The following DIAPH3 variants were observed in gnomAD, a reference collection of about 807,000 sequenced individuals.
DIAPH3 encodes the protein diaphanous related formin 3.
Under a neutral mutation model 144.3 loss-of-function variants are expected in DIAPH3, and 117 were observed. The observed-to-expected ratio is 0.81, with a 90% confidence interval of 0.70 to 0.95. DIAPH3 has a LOEUF of 0.95. Among genes scored for constraint, DIAPH3 ranks in the 40% least tolerant of loss-of-function variants. The pLI is 0.00. For missense variants in DIAPH3, 1,421 were observed against 1,412.7 expected (o/e 1.01, Z -0.09); for synonymous variants, 519 against 488.9 (o/e 1.06, Z -0.81).
intron 25 of DIAPH3, among the ~76,000 whole-genome samples, chr13:59,775,826 T>C (rs1408412819): frequency 6.6e-6 from 1 of 152,208 alleles, no homozygotes; most frequent in Non-Finnish European, 1.5e-5. Context: ...ATTGATATCC[T>C]GTATATAATT....
chr13:60,086,370 T>G (rs924188705), intron 4 of DIAPH3, among the ~76,000 whole-genome samples: 1 of 152,096 alleles, frequency 6.6e-6, no homozygotes. Context: ...AAATGAAAAC[T>G]GAAGTGCCAG....
chr13:60,016,083 A>C lies in DIAPH3; in HGVS notation c.689T>G (p.Ile230Ser). ...TAGCAATACTTACATTTTTCCACTA[A>C]TCAGTTTTTCCAAAATGTCTAATAA... ...GLLLDILEKL[I>S]SGKIQEKVVK... The change falls in exon 6 of 28, where the codon ATT (isoleucine) becomes AGT (serine). Residue 230 changes from isoleucine (I) to serine (S), a missense_variant. Transcript: ENST00000400324. The C allele has an allele frequency of 6.2e-7, 1 of 1,613,518 alleles. No individual in the cohort carries two copies. Among genetic ancestry groups the C allele is most frequent in the Non-Finnish European group, 8.5e-7 (1 of 1,179,692 alleles).
rs558969772 is a variant in DIAPH3, at chr13:60,100,925, G to A, written c.391-7193C>T. ...ACAAATCCAAGGGTCCTGAGAGGAA[G>A]GGTTAAGTAGGTCAGACACAGGTAA... is the stretch of plus-strand genomic sequence containing the variant. On this transcript the variant is annotated intron_variant, in intron 3 of 27. Transcript: ENST00000400324. 7.2e-5 allele frequency among the ~76,000 whole-genome samples: 11 copies of A among 152,222 alleles called. No homozygotes were observed. The East Asian group carries it at 2.1e-3, about 30-fold the overall frequency.
chr13:59,974,613 G>C (rs759474026), intron 14 of DIAPH3, among the ~76,000 whole-genome samples, 157 bp from the exon 15 acceptor site: 40 of 151,934 alleles, frequency 2.6e-4, no homozygotes, highest in Non-Finnish European at 5.4e-4. Flanking sequence ...GTCACTTACA[G>C]TCTTTCTCTA....
At chr13:60,049,233 T>C (rs557789464) in intron 4 of DIAPH3, among the ~76,000 whole-genome samples, 1 of 152,266 alleles carries the variant, frequency 6.6e-6, no homozygotes, top group South Asian at 2.1e-4. Flanking sequence ...TCTAGGACCA[T>C]TACAATTCAG....
chr13:60,122,729 C>A (rs1172980422), intron 2 of DIAPH3, among the ~76,000 whole-genome samples: 1 of 151,842 alleles, frequency 6.6e-6, no homozygotes, highest in Admixed American at 6.6e-5. Flanking sequence ...CTCTTCCTAA[C>A]ACTGATAATT....
intron 27 of DIAPH3, among the ~76,000 whole-genome samples, chr13:59,716,439 T>TA (rs780436443): frequency 2.0e-5 from 3 of 152,126 alleles, no homozygotes; most frequent in Non-Finnish European, 4.4e-5. Flanking sequence ...CCTCCCAAAG[T>TA]GCTGGGATTA....
intron 25 of DIAPH3, among the ~76,000 whole-genome samples, chr13:59,805,762 A>C (rs1008500952): frequency 5.3e-5 from 8 of 151,998 alleles, no homozygotes; most frequent in African/African-American, 1.9e-4. Flanking sequence ...CTGCTTTCTT[A>C]GTTTGGTTGC....
chr13:59,674,503 C>T (rs2138603199), intron 27 of DIAPH3, among the ~76,000 whole-genome samples: 1 of 152,280 alleles, frequency 6.6e-6, no homozygotes, highest in Non-Finnish European at 1.5e-5. Flanking sequence ...CCTTCCCAAC[C>T]TCTACCAAAC....
At chr13:59,713,625 A>G (rs201315091) in intron 27 of DIAPH3, among the ~76,000 whole-genome samples, 3 of 49,808 alleles carry the variant, frequency 6.0e-5, no homozygotes, top group Non-Finnish European at 1.3e-4. Flanking sequence ...ATATTTGAGG[A>G]AGGGGAGCTA....
intron 22 of DIAPH3, 136 bp from the exon 23 acceptor site, chr13:59,839,584 T>A: frequency 1.2e-6 from 1 of 863,144 alleles, no homozygotes. Context: ...AAAATAAATT[T>A]CACTTTTAAC....
intron 25 of DIAPH3, among the ~76,000 whole-genome samples, chr13:59,797,575 A>G (rs1306957437): frequency 7.9e-5 from 12 of 152,186 alleles, no homozygotes; most frequent in Non-Finnish European, 4.4e-5. Flanking sequence ...ACAATAACCA[A>G]ATACTGACTA....
chr13:60,089,359 TA>T (rs1198463697), intron 4 of DIAPH3, among the ~76,000 whole-genome samples: 35 of 152,318 alleles, frequency 2.3e-4, no homozygotes, highest in African/African-American at 7.7e-4. Context: ...TAAGGGAAGA[TA>T]AGATTAAAAA....
At chr13:59,707,517 G>A (rs2034495996) in intron 27 of DIAPH3, among the ~76,000 whole-genome samples, 1 of 152,140 alleles carries the variant, frequency 6.6e-6, no homozygotes, top group Admixed American at 6.5e-5. Flanking sequence ...TGGAATCAAA[G>A]GGATTGAAGT....
chr13:59,939,835 CGTGTGTGTGTGTGTGTGTGTGTGTGT>C, intron 17 of DIAPH3, among the ~76,000 whole-genome samples: 1 of 146,762 alleles, frequency 6.8e-6, no homozygotes, highest in Non-Finnish European at 1.5e-5. Context: ...GAGAATGAGG[CGTGTGTGTGTGTGTGTGTGTGTGTGT>C]GTGTGTGTGT....
At chr13:60,111,230 G>A (rs745615250) in intron 3 of DIAPH3, among the ~76,000 whole-genome samples, 1 of 152,120 alleles carries the variant, frequency 6.6e-6, no homozygotes, top group Non-Finnish European at 1.5e-5. Context: ...AGAGGCAAAG[G>A]CTAACCAGAA....
intron 27 of DIAPH3, among the ~76,000 whole-genome samples, chr13:59,754,565 T>C (rs1276190873): frequency 6.6e-6 from 1 of 152,188 alleles, no homozygotes; most frequent in Non-Finnish European, 1.5e-5. Context: ...ATAGCTATAA[T>C]GATCTGCAAA....
At chr13:60,162,554 A>G (rs547641163) in intron 1 of DIAPH3, among the ~76,000 whole-genome samples, 1 of 152,194 alleles carries the variant, frequency 6.6e-6, no homozygotes, top group Non-Finnish European at 1.5e-5. Flanking sequence ...TTAATTTGGC[A>G]TAATTAATCT....
intron 27 of DIAPH3, among the ~76,000 whole-genome samples, chr13:59,676,818 G>A (rs2032667522): frequency 6.6e-6 from 1 of 152,024 alleles, no homozygotes; most frequent in African/African-American, 2.4e-5. Flanking sequence ...TTAAAATAAT[G>A]TTTTTATTCA....
Sources: gnomAD v4.1 joint callset for allele counts (sites outside exome capture counted in the v4.1 genomes callset) on GRCh38, gnomAD v4.1.1 for gene constraint, MANE v1.5 for transcripts, NCBI Gene and HGNC (gene_info 2026-07-23, HGNC 2026-07-21) for gene names.